The following ATG10 variants were observed in gnomAD, a reference collection of about 807,000 sequenced individuals.
ATG10 encodes the protein ubiquitin-like-conjugating enzyme ATG10.
A neutral mutation model predicts 32.1 loss-of-function variants in ATG10; 30 were observed. The observed-to-expected ratio is 0.94, with a 90% CI of 0.70 to 1.27. ATG10 has a LOEUF of 1.27. Among genes scored for constraint, ATG10 ranks in the 50% most tolerant of loss-of-function variants. The pLI, the probability that ATG10 is intolerant of heterozygous loss-of-function variation, is 0.00. For missense variants in ATG10, 233 were observed against 262.3 expected, an observed-to-expected ratio of 0.89 and a Z score of 0.77; for synonymous variants, 87 against 91.5, an observed-to-expected ratio of 0.95 and a Z score of 0.28.
chr5:82,000,177 A>T (rs1761807480), intron 2 of ATG10, among the ~76,000 whole-genome samples: 1 of 152,198 alleles, frequency 6.6e-6, no homozygotes, highest in Non-Finnish European at 1.5e-5. Context: ...CAAATCAATA[A>T]ATGTGATTTG....
At chr5:82,164,265 C>T in intron 3 of ATG10, 134 bp from the exon 4 acceptor site, 1 of 847,652 alleles carries the variant, frequency 1.2e-6, no homozygotes, top group Non-Finnish European at 1.8e-6. Flanking sequence ...ATGGGAAACT[C>T]CCTTTTCCTT....
chr5:82,126,040 T>C (rs1246757077), intron 3 of ATG10, among the ~76,000 whole-genome samples: 1 of 141,684 alleles, frequency 7.1e-6, no homozygotes, highest in African/African-American at 2.7e-5. Context: ...TTTGTAGCAA[T>C]TGTGAATGTG....
chr5:82,010,359 A>G (rs116536699), intron 2 of ATG10, among the ~76,000 whole-genome samples: 10 of 152,256 alleles, frequency 6.6e-5, no homozygotes, highest in East Asian at 1.9e-4. Context: ...ATGTTTTCCA[A>G]TTGGGATTTT....
chr5:82,248,540 T>G (rs573152609), intron 5 of ATG10, among the ~76,000 whole-genome samples: 2 of 152,332 alleles, frequency 1.3e-5, no homozygotes, highest in East Asian at 3.9e-4. Context: ...TTTAGCAGAT[T>G]ATCATGAACT....
intron 1 of ATG10, among the ~76,000 whole-genome samples, chr5:81,978,422 T>G (rs1351957599): frequency 6.6e-6 from 1 of 152,178 alleles, no homozygotes; most frequent in East Asian, 1.9e-4. Context: ...ATTATCTCCT[T>G]ATTTCCTAAT....
intron 3 of ATG10, among the ~76,000 whole-genome samples, chr5:82,060,612 C>T (rs1763734139): frequency 6.6e-6 from 1 of 152,112 alleles, no homozygotes; most frequent in African/African-American, 2.4e-5. Context: ...GCCTGTAATA[C>T]CAGTACTTTG....
At chr5:82,021,201 A>G (rs1198149873) in intron 2 of ATG10, among the ~76,000 whole-genome samples, 1 of 152,180 alleles carries the variant, frequency 6.6e-6, no homozygotes, top group Non-Finnish European at 1.5e-5. Flanking sequence ...AGATATAGAT[A>G]AAATGTATGG....
intron 2 of ATG10, among the ~76,000 whole-genome samples, chr5:81,999,589 C>A (rs945781602): frequency 6.6e-6 from 1 of 151,970 alleles, no homozygotes; most frequent in African/African-American, 2.4e-5. Context: ...ATCAGCAAAT[C>A]TAAGAATTGG....
At position 82,142,945 on chromosome 5, in the gene ATG10, T is replaced by C. The variant is rs182179907; in HGVS notation, c.217-21454T>C. Among the ~76,000 whole-genome samples the C allele has an allele frequency of 2.6e-5, 4 of 152,318 alleles. No individual in the cohort carries two copies. The East Asian group carries it at 7.7e-4, about 29-fold the overall frequency. On this transcript the variant is annotated intron_variant, in intron 3 of 7. Transcript: ENST00000282185. ...AGGGAATTGAGGAGGACAAGTAGTT[T>C]TGTTTTGCTTGATGAGATAATGACT...
chr5:82,032,982 A>G (rs957954483), intron 2 of ATG10, among the ~76,000 whole-genome samples: 7 of 152,194 alleles, frequency 4.6e-5, no homozygotes, highest in African/African-American at 1.4e-4. Flanking sequence ...TAACCATACT[A>G]TCCTGCCTGC....
intron 4 of ATG10, among the ~76,000 whole-genome samples, chr5:82,173,248 C>G (rs186653273): frequency 6.6e-6 from 1 of 152,254 alleles, no homozygotes; most frequent in Non-Finnish European, 1.5e-5. Context: ...GGTGAAATAT[C>G]TCATGCTGTT....
intron 3 of ATG10, among the ~76,000 whole-genome samples, chr5:82,128,379 G>T (rs762095572): frequency 6.6e-6 from 1 of 152,028 alleles, no homozygotes; most frequent in Non-Finnish European, 1.5e-5. Flanking sequence ...TTTCTTCATA[G>T]TGTTGATGGT....
intron 3 of ATG10, among the ~76,000 whole-genome samples, chr5:82,092,013 T>C (rs1312338753): frequency 6.6e-6 from 1 of 152,212 alleles, no homozygotes; most frequent in Non-Finnish European, 1.5e-5. Flanking sequence ...GAAGAATATT[T>C]ATAATAAAGT....
At chr5:82,143,727 G>T (rs1554052521) in intron 3 of ATG10, among the ~76,000 whole-genome samples, 1 of 152,170 alleles carries the variant, frequency 6.6e-6, no homozygotes, top group Non-Finnish European at 1.5e-5. Context: ...TTCCCCTCTA[G>T]TTTTTTCTGC....
chr5:82,066,057 TTAA>T (rs1404309961), intron 3 of ATG10, among the ~76,000 whole-genome samples: 2 of 152,118 alleles, frequency 1.3e-5, no homozygotes, highest in Admixed American at 6.5e-5. Context: ...ATACTGATTT[TTAA>T]TAATAAGTAG....
At chr5:82,182,513 A>G (rs1195405833) in intron 5 of ATG10, among the ~76,000 whole-genome samples, 1 of 152,176 alleles carries the variant, frequency 6.6e-6, no homozygotes, top group Non-Finnish European at 1.5e-5. Flanking sequence ...GTAGCATACC[A>G]TTACCATGGA....
chr5:82,028,103 G>A (rs1185047876), intron 2 of ATG10, among the ~76,000 whole-genome samples: 2 of 152,186 alleles, frequency 1.3e-5, no homozygotes, highest in Admixed American at 1.3e-4. Context: ...ACCACCTAGT[G>A]TGAAAATTGT....
intron 4 of ATG10, among the ~76,000 whole-genome samples, chr5:82,165,474 G>A (rs960091059): frequency 1.3e-5 from 2 of 152,188 alleles, no homozygotes; most frequent in Admixed American, 6.5e-5. Context: ...CTCTAATTTT[G>A]CAGTGTTGGC....
At chr5:81,983,084 G>T (rs562816942) in intron 1 of ATG10, among the ~76,000 whole-genome samples, 5 of 152,300 alleles carry the variant, frequency 3.3e-5, no homozygotes, top group African/African-American at 1.2e-4. Flanking sequence ...CTCCCAGACG[G>T]GGTGGTGGCC....
Sources: gnomAD v4.1 joint callset for allele counts (sites outside exome capture counted in the v4.1 genomes callset) on GRCh38, gnomAD v4.1.1 for gene constraint, MANE v1.5 for transcripts, NCBI Gene and HGNC (gene_info 2026-07-23, HGNC 2026-07-21) for gene names.